The following POTEI variants were observed in gnomAD, a reference collection of about 807,000 sequenced individuals.
The protein encoded by POTEI is POTE ankyrin domain family member I, also known as POTE ankyrin domain family, member I.
POTEI carries 14 observed loss-of-function variants against 43.4 expected under a neutral mutation model. The ratio of observed to expected loss-of-function variants is 0.32; its 90% CI spans 0.21 to 0.50. The LOEUF (loss-of-function observed/expected upper bound fraction) is 0.50. POTEI is among the 20% of genes least tolerant of loss of function. The pLI is 0.98. For missense variants in POTEI, 235 were observed against 795.4 expected, an observed-to-expected ratio of 0.30 and a Z score of 8.47; for synonymous variants, 95 against 297.9, an observed-to-expected ratio of 0.32 and a Z score of 7.01.
intron 5 of POTEI, among the ~76,000 whole-genome samples, chr2:130,498,026 T>C (rs1455194785): frequency 7.1e-6 from 1 of 140,712 alleles, no homozygotes; most frequent in African/African-American, 2.6e-5. Context: ...CGATTTTCAT[T>C]ATCATGTAAA....
chr2:130,483,308 T>A (rs1259625495), intron 9 of POTEI, among the ~76,000 whole-genome samples: 1 of 59,594 alleles, frequency 1.7e-5, no homozygotes, highest in African/African-American at 5.0e-5. Context: ...TGCAATGAAC[T>A]GAGATCGCGC....
Position 130,461,260 on chromosome 2 carries a change from AC to A in POTEI, c.*1555del, listed in dbSNP as rs1480534578. 6.6e-6 allele frequency: 1 copy of A among 151,586 alleles called. No individual in the cohort carries two copies. The highest frequency in any genetic ancestry group is 2.4e-5 in the African/African-American group (1 of 41,074). The allele number at this position is 151,586 out of a possible 1,614,324, so 9.4% of individuals were successfully genotyped here. A position where few individuals can be genotyped will look rare whatever the true frequency, so the allele number is the denominator to read the frequency against. On this transcript the variant is annotated 3_prime_UTR_variant, in exon 15 of 15. Coordinates refer to ENST00000451531, the MANE Select transcript of POTEI (RefSeq NM_001277406.2). The stretch of plus-strand genomic sequence containing the variant: ...CTTCAGCCCCTGGTCCGCCTCAGAC[AC>A]TCTGAAGCCCTAAGGCTGAAATGCC...
chr2:130,507,241 G>A (rs1235162637), intron 1 of POTEI, among the ~76,000 whole-genome samples: 4 of 64,512 alleles, frequency 6.2e-5, no homozygotes, highest in Non-Finnish European at 1.3e-4. Context: ...TCCAGCTTGG[G>A]CTACAGAGTG....
chr2:130,479,330 T>C (rs1573920465), intron 10 of POTEI, among the ~76,000 whole-genome samples: 1 of 148,868 alleles, frequency 6.7e-6, no homozygotes, highest in African/African-American at 2.5e-5. Context: ...CATAGTAAAA[T>C]GAGTAACTGA....
intron 3 of POTEI, among the ~76,000 whole-genome samples, chr2:130,502,043 C>T (rs1430116538): frequency 4.5e-5 from 2 of 44,140 alleles, no homozygotes; most frequent in Non-Finnish European, 1.2e-4. Context: ...GGTTCTTAAG[C>T]AGGAGTGTAT....
chr2:130,505,086 G>A (rs1444358777), intron 1 of POTEI, among the ~76,000 whole-genome samples: 5 of 149,742 alleles, frequency 3.3e-5, no homozygotes, highest in African/African-American at 1.2e-4. Context: ...CCCTCTGATA[G>A]GCCCCAGTGT....
intron 13 of POTEI, among the ~76,000 whole-genome samples, chr2:130,467,664 A>C (rs1309071487): frequency 1.3e-5 from 2 of 152,108 alleles, no homozygotes; most frequent in African/African-American, 4.8e-5. Context: ...CAAAAGAAAT[A>C]ATCATCAAAC....
chr2:130,461,160 A>G lies in POTEI; in HGVS notation c.*1656T>C, dbSNP rs1391350377. 5 of 151,544 alleles carry G rather than the reference A, an allele frequency of 3.3e-5. No individual in the cohort carries two copies. The highest frequency in any genetic ancestry group is 5.9e-5 in the Non-Finnish European group (4 of 68,022). The allele number at this position is 151,544 out of a possible 1,614,324, so 9.4% of individuals were successfully genotyped here. Reference sequence around the variant, plus strand: ...GAAGTCTTACCTAGTCAGGACGAACAAGAACAGGGACTTGCTTCAAAAAGA... The same window carrying G: ...GAAGTCTTACCTAGTCAGGACGAACGAGAACAGGGACTTGCTTCAAAAAGA... On this transcript the variant is annotated 3_prime_UTR_variant, in exon 15 of 15. Coordinates refer to ENST00000451531, the MANE Select transcript of POTEI (RefSeq NM_001277406.2).
Position 130,508,863 on chromosome 2 carries a change from C to T in POTEI, c.373G>A (p.Asp125Asn), listed in dbSNP as rs771450828. 1.4e-4 allele frequency: 221 copies of T among 1,576,176 alleles called. 6 individuals carry two copies. The highest frequency in any genetic ancestry group is 1.7e-4 in the Non-Finnish European group (202 of 1,166,436). The change falls in exon 1 of 15, where the codon GAC (aspartate) becomes AAC (asparagine). Residue 125 changes from aspartate (D) to asparagine (N), a missense_variant. Coordinates refer to ENST00000451531, the MANE Select transcript of POTEI (RefSeq NM_001277406.2). ...SNVGAWGDYD[D>N]SAFVEPRYHV... ...TATCTCGGCTCCACGAAGGCGCTGT[C>T]GTCGTAGTCTCCCCAAGCACCCACG...
chr2:130,493,723 C>T (rs1683827447), intron 6 of POTEI, among the ~76,000 whole-genome samples: 1 of 38,012 alleles, frequency 2.6e-5, no homozygotes, highest in African/African-American at 7.4e-5. Flanking sequence ...CTTTATATTC[C>T]CACTGCCACT....
At chr2:130,494,750 AC>A (rs1683858687) in intron 6 of POTEI, among the ~76,000 whole-genome samples, 1 of 146,072 alleles carries the variant, frequency 6.8e-6, no homozygotes, top group African/African-American at 2.5e-5. Context: ...TCAATGAACA[AC>A]CAAAACAACT....
Position 130,508,938 on chromosome 2 carries a change from T to A in POTEI, c.298A>T (p.Lys100Ter). The change falls in exon 1 of 15, where the codon AAG becomes TAG. Residue 100 changes from lysine to a stop codon, truncating the protein, a stop_gained. Coordinates refer to ENST00000451531, the MANE Select transcript of POTEI (RefSeq NM_001277406.2). LOFTEE classifies it high-confidence loss of function. ...CAGGGGAAGCAGTGGCAGCACCACT[T>A]GCCCATCTTGCTCCTGAGCGTCTTC... ...AMKTLRSKMG[K>*]WCCHCFPCCR... 1 of 1,588,200 alleles carries A rather than the reference T, an allele frequency of 6.3e-7. No homozygotes were observed. Among genetic ancestry groups the A allele is most frequent in the Non-Finnish European group, 8.5e-7 (1 of 1,169,644 alleles).
intron 10 of POTEI, among the ~76,000 whole-genome samples, chr2:130,479,031 A>C (rs1683301349): frequency 7.9e-6 from 1 of 126,472 alleles, no homozygotes; most frequent in Non-Finnish European, 1.6e-5. Context: ...ATTCACCAGA[A>C]AATTTCCTAC....
intron 10 of POTEI, among the ~76,000 whole-genome samples, chr2:130,477,089 A>C (rs1207921213): frequency 1.3e-5 from 2 of 150,808 alleles, no homozygotes; most frequent in African/African-American, 5.0e-5. Flanking sequence ...ATTAGTGTAC[A>C]ACGTCTTCCT....
At chr2:130,488,542 C>CAT (rs1683648399) in intron 8 of POTEI, among the ~76,000 whole-genome samples, 1 of 113,702 alleles carries the variant, frequency 8.8e-6, no homozygotes, top group Non-Finnish European at 1.8e-5. Flanking sequence ...CATGGGAACA[C>CAT]GCAAATAAAA....
At chr2:130,491,219 G>T (rs1461185102) in intron 6 of POTEI, among the ~76,000 whole-genome samples, 53 of 136,420 alleles carry the variant, frequency 3.9e-4, no homozygotes, top group African/African-American at 1.3e-3. Context: ...CCACAGCAAG[G>T]TTAAGAAAAC....
In POTEI at chr2:130,461,132, T is replaced by G. The variant is rs1472834060; in HGVS notation, c.*1684A>C. ...CTATAAGATGTGGCTGGAGGCAAGT[T>G]GAGAAGTCTTACCTAGTCAGGACGA... On this transcript the variant is annotated 3_prime_UTR_variant, in exon 15 of 15. Coordinates refer to ENST00000451531, the MANE Select transcript of POTEI (RefSeq NM_001277406.2). 6.6e-6 allele frequency: 1 copy of G among 151,606 alleles called. No homozygotes were observed. Among genetic ancestry groups the G allele is most frequent in the African/African-American group, 2.4e-5 (1 of 40,960 alleles). 9.4% of individuals were successfully genotyped at this position (151,606 alleles called of 1,614,324 possible). A position where few individuals can be genotyped will look rare whatever the true frequency, so the allele number is the denominator to read the frequency against.
At chr2:130,504,881 A>C (rs185494608) in intron 1 of POTEI, among the ~76,000 whole-genome samples, 3,749 of 141,366 alleles carry the variant, frequency 0.027, 9 homozygotes, top group African/African-American at 0.092. Context: ...CTTGTTTTAA[A>C]ATGGATTTAT....
intron 13 of POTEI, among the ~76,000 whole-genome samples, chr2:130,468,851 A>G (rs1467415662): frequency 6.6e-6 from 1 of 152,248 alleles, no homozygotes; most frequent in East Asian, 1.9e-4. Context: ...AAAATATAGA[A>G]AAAGCTAGAT....
Sources: gnomAD v4.1 joint callset for allele counts (sites outside exome capture counted in the v4.1 genomes callset) on GRCh38, gnomAD v4.1.1 for gene constraint, MANE v1.5 for transcripts, NCBI Gene and HGNC (gene_info 2026-07-23, HGNC 2026-07-21) for gene names.